The following CARD14 variants were observed in gnomAD, a reference collection of about 807,000 sequenced individuals.
CARD14 encodes the protein caspase recruitment domain-containing protein 14.
A neutral mutation model predicts 111.5 loss-of-function variants in CARD14; 107 were observed. The observed-to-expected ratio is 0.96, with a 90% CI of 0.82 to 1.13. The LOEUF (loss-of-function observed/expected upper bound fraction) is 1.13, where lower values mean the gene tolerates loss of function less well. CARD14 is among the 50% of genes most tolerant of loss of function. CARD14 has a pLI of 0.00. For missense variants in CARD14, 1,322 were observed against 1,362.3 expected (o/e 0.97, Z 0.47); for synonymous variants, 617 against 579.6 (o/e 1.06, Z -0.93).
At position 80,201,707 on chromosome 17, in the gene CARD14, C is replaced by T. The variant is rs190601547; in HGVS notation, c.1852-37C>T. ...TGTCTTCTGGCTGGATTCAGAGTCC[C>T]GGGGGAAAGAGACTGACCTTCTCGA... On this transcript the variant is annotated intron_variant, in intron 16 of 23. Coordinates refer to ENST00000648509, the MANE Select transcript of CARD14 (RefSeq NM_001366385.1). The surrounding 1 kb of genome is among the most constrained non-coding windows in gnomAD (Gnocchi z 5.0). 1.6e-4 allele frequency: 263 copies of T among 1,612,016 alleles called. No individual in the cohort carries two copies. The highest frequency in any genetic ancestry group is 1.5e-4 in the Non-Finnish European group (182 of 1,178,652).
intron 11 of CARD14, 42 bp from the exon 12 acceptor site, chr17:80,192,461 C>A (rs1053178162): frequency 2.6e-6 from 4 of 1,529,932 alleles, no homozygotes; most frequent in South Asian, 2.3e-5. Flanking sequence ...CAAAGCGGAA[C>A]CTTTCCCGAA....
chr17:80,174,414 T>C (rs1249361970), intron 2 of CARD14, among the ~76,000 whole-genome samples: 2 of 152,138 alleles, frequency 1.3e-5, no homozygotes, highest in African/African-American at 4.8e-5. Context: ...GGTTTTGCCA[T>C]GTTGGCCAGA....
Position 80,184,058 on chromosome 17 carries a change from C to T in CARD14, c.495C>T (p.Thr165=), listed in dbSNP as rs1438107219. Residue 165 remains threonine, a synonymous_variant, in exon 7 of 24, where the codon ACC becomes ACT. Transcript: ENST00000648509. ...QLQEHLGLAE[T]RAEGLHQLEA... The stretch of plus-strand genomic sequence containing the variant: ...AGGAGCACCTGGGCCTGGCCGAGAC[C>T]CGTGCCGAGGGCCTGCACCAGCTGG... The T allele has an allele frequency of 1.3e-6, 2 of 1,586,680 alleles. No homozygotes were observed. Among genetic ancestry groups the T allele is most frequent in the Non-Finnish European group, 8.6e-7 (1 of 1,167,134 alleles).
In CARD14 at chr17:80,205,099, C is replaced by T. The variant is rs202148981; in HGVS notation, c.2463C>T (p.Pro821=). ...LTLVPYTLVR[P]HRPARPRPVL... is the part of the protein sequence containing the mutation. Reference sequence around the variant, plus strand: ...TGGTGCCCTATACCCTGGTGCGGCCCCATCGACCCGCCCGGCCCCGGCCTG... The same window carrying T: ...TGGTGCCCTATACCCTGGTGCGGCCTCATCGACCCGCCCGGCCCCGGCCTG... Residue 821 remains proline, a synonymous_variant, in exon 21 of 24, where the codon CCC becomes CCT. Coordinates refer to ENST00000648509, the MANE Select transcript of CARD14 (RefSeq NM_001366385.1). The T allele has an allele frequency of 3.1e-6, 5 of 1,613,518 alleles. No individual in the cohort carries two copies. In the East Asian group the frequency reaches 1.1e-4, roughly 36 times the overall value.
In CARD14 at chr17:80,181,598, G is replaced by A. The variant is rs755140319; in HGVS notation, c.160G>A (p.Glu54Lys). Residue 54 changes from glutamate to lysine, a missense_variant, in exon 5 of 24, where the codon GAG (glutamate) becomes AAG (lysine). Glu to Lys is a moderately conservative substitution (Grantham distance 56, BLOSUM62 1). Transcript: ENST00000648509. ...GGCCAAGGTGCTGTGCCAGCTGGAC[G>A]AGGAGGAGGTGCTGCACAGCCCCCG... ...RQAKVLCQLD[E>K]EEVLHSPRLT... is the part of the protein sequence containing the mutation. 2.5e-5 allele frequency: 39 copies of A among 1,559,490 alleles called. No homozygotes were observed. In the African/African-American group the frequency reaches 3.5e-4, roughly 14 times the overall value.
chr17:80,190,706 G>T, intron 9 of CARD14, 68 bp from the exon 10 acceptor site: 1 of 1,545,258 alleles, frequency 6.5e-7, no homozygotes, highest in South Asian at 1.1e-5. Context: ...TGGGTTCCCC[G>T]ACCCCCTTCT....
At chr17:80,187,998 T>G in intron 7 of CARD14, 1 of 985,890 alleles carries the variant, frequency 1.0e-6, no homozygotes, top group African/African-American at 1.7e-5. Flanking sequence ...ATTCCCTTTC[T>G]TGATGTATTT....
chr17:80,182,532 G>A lies in CARD14; in HGVS notation c.212-121G>A, dbSNP rs370220621. The A allele has an allele frequency of 4.0e-5, 48 of 1,214,122 alleles. 1 individual carries two copies. The highest frequency in any genetic ancestry group is 3.7e-4 in the South Asian group (25 of 67,960). 75.2% of individuals were successfully genotyped at this position (1,214,122 alleles called of 1,614,324 possible). ...ACCCAGAAAACCGCTTTCACCTCCCGATTCTTACATGTGCGGGGGGTTTCC... is the reference window on the plus strand; with the variant it reads ...ACCCAGAAAACCGCTTTCACCTCCCAATTCTTACATGTGCGGGGGGTTTCC... On this transcript the variant is annotated intron_variant, in intron 5 of 23. Coordinates refer to ENST00000648509, the MANE Select transcript of CARD14 (RefSeq NM_001366385.1). This position sits in a 1 kb window ranked among gnomAD's most constrained non-coding sequence, Gnocchi z 4.7.
intron 3 of CARD14, 50 bp from the exon 4 acceptor site, chr17:80,179,054 A>G (rs1472139749): frequency 6.6e-6 from 1 of 152,002 alleles, no homozygotes; most frequent in Non-Finnish European, 1.5e-5. Context: ...CCCATTTTCC[A>G]TTTTTCAGAT....
Position 80,202,276 on chromosome 17 carries a change from A to G in CARD14, c.2075A>G (p.Lys692Arg). 1 of 1,613,918 alleles carries G rather than the reference A, an allele frequency of 6.2e-7. No individual in the cohort carries two copies. Among genetic ancestry groups the G allele is most frequent in the Admixed American group, 1.7e-5 (1 of 60,018 alleles). Residue 692 changes from lysine to arginine, a missense_variant, in exon 18 of 24, where the codon AAA (lysine) becomes AGA (arginine). Lys to Arg is a conservative substitution (Grantham distance 26). Transcript: ENST00000648509. ...RVNLAMEGRAKGELQVHCNEV... is the reference protein window; with the variant it reads ...RVNLAMEGRARGELQVHCNEV... The stretch of plus-strand genomic sequence containing the variant: ...AACCTGGCCATGGAGGGCAGGGCCA[A>G]AGGGGAGCTGCAGGTGCATTGCAAC...
chr17:80,204,310 CAG>C lies in CARD14; in HGVS notation c.2368_2369del (p.Arg790GlyfsTer62). On this transcript the variant is annotated frameshift_variant, in exon 20 of 24. Transcript: ENST00000648509. LOFTEE classifies it high-confidence loss of function. ...CCAGCCCTCTGCGTTTGTCCTTTGA[CAG>C]GGGCCAGTTGGACCCCAGCAGGATG... ...KASPLRLSFD[R>X]GQLDPSRMEG... The C allele has an allele frequency of 6.3e-7, 1 of 1,592,790 alleles. No individual in the cohort carries two copies. The highest frequency in any genetic ancestry group is 8.6e-7 in the Non-Finnish European group (1 of 1,165,904).
chr17:80,205,588 A>T lies in CARD14; in HGVS notation c.2627A>T (p.Glu876Val), dbSNP rs2041255786. 6.6e-7 allele frequency: 1 copy of T among 1,508,626 alleles called. No individual in the cohort carries two copies. Among genetic ancestry groups the T allele is most frequent in the Non-Finnish European group, 8.9e-7 (1 of 1,117,838 alleles). 93.5% of individuals were successfully genotyped at this position (1,508,626 alleles called of 1,614,324 possible). The part of the protein sequence containing the change: ...AWSQRGDIIQ[E>V]GEVSGGRCWV... ...AGCCAGAGAGGGGACATCATCCAGG[A>T]GGGAGAGGTGTCCGGGGGCCGCTGC... is the stretch of plus-strand genomic sequence containing the variant. Residue 876 changes from glutamate to valine, a missense_variant, in exon 22 of 24, where the codon GAG becomes GTG. Transcript: ENST00000648509.
Position 80,203,685 on chromosome 17 carries a change from A to C in CARD14, c.2220-137A>C. ...GGATGGAGCGCTCCAGCCTGCAGCAAAGGGATGTGTGGAGCTCTAGGTGGA... is the reference window on the plus strand; with the variant it reads ...GGATGGAGCGCTCCAGCCTGCAGCACAGGGATGTGTGGAGCTCTAGGTGGA... On this transcript the variant is annotated intron_variant, in intron 18 of 23. Coordinates refer to ENST00000648509, the MANE Select transcript of CARD14 (RefSeq NM_001366385.1). The surrounding 1 kb of genome is among the most constrained non-coding windows in gnomAD (Gnocchi z 4.6). 1 of 618,068 alleles carries C rather than the reference A, an allele frequency of 1.6e-6. No homozygotes were observed. Among genetic ancestry groups the C allele is most frequent in the Non-Finnish European group, 2.9e-6 (1 of 348,702 alleles). The allele number at this position is 618,068 out of a possible 1,614,324, so 38.3% of individuals were successfully genotyped here.
chr17:80,184,240 T>C lies in CARD14; in HGVS notation c.675+2T>C, dbSNP rs1425651161. 6.6e-7 allele frequency: 1 copy of C among 1,517,830 alleles called. No homozygotes were observed. Among genetic ancestry groups the C allele is most frequent in the African/African-American group, 1.4e-5 (1 of 72,712 alleles). The allele number at this position is 1,517,830 out of a possible 1,614,324, so 94.0% of individuals were successfully genotyped here. On this transcript the variant is annotated splice_donor_variant, in intron 7 of 23. Coordinates refer to ENST00000648509, the MANE Select transcript of CARD14 (RefSeq NM_001366385.1). LOFTEE classifies it high-confidence loss of function. ...CGCTGCCGCAGCCTGCAGGAGGAGGTAGGGGGACACCCTGCACCCCGGCGC... is the reference window on the plus strand; with the variant it reads ...CGCTGCCGCAGCCTGCAGGAGGAGGCAGGGGGACACCCTGCACCCCGGCGC...
Position 80,189,942 on chromosome 17 carries a change from G to A in CARD14, c.963+70G>A. 1 of 1,525,346 alleles carries A rather than the reference G, an allele frequency of 6.6e-7. No individual in the cohort carries two copies. The highest frequency in any genetic ancestry group is 8.7e-7 in the Non-Finnish European group (1 of 1,149,796). 94.5% of individuals were successfully genotyped at this position (1,525,346 alleles called of 1,614,324 possible). ...TCTCAGGGGTGCGGACAGGTCTGTG[G>A]GGAAGCCAGATTCCTTCATCCACGC... On this transcript the variant is annotated intron_variant, in intron 9 of 23. Coordinates refer to ENST00000648509, the MANE Select transcript of CARD14 (RefSeq NM_001366385.1). The surrounding 1 kb of genome is among the most constrained non-coding windows in gnomAD (Gnocchi z 4.7).
At position 80,182,552 on chromosome 17, in the gene CARD14, G is replaced by A; in HGVS notation, c.212-101G>A. ...CTCCCGATTCTTACATGTGCGGGGG[G>A]TTTCCCAGCCCCAGGCCTCTCCCCC... On this transcript the variant is annotated intron_variant, in intron 5 of 23. Coordinates refer to ENST00000648509, the MANE Select transcript of CARD14 (RefSeq NM_001366385.1). This position sits in a 1 kb window ranked among gnomAD's most constrained non-coding sequence, Gnocchi z 4.7. The A allele has an allele frequency of 4.9e-6, 7 of 1,418,482 alleles. No individual in the cohort carries two copies. The East Asian group carries it at 1.2e-4, about 25-fold the overall frequency. The allele number at this position is 1,418,482 out of a possible 1,614,324, so 87.9% of individuals were successfully genotyped here.
chr17:80,189,733 C>T lies in CARD14; in HGVS notation c.844-20C>T. The T allele has an allele frequency of 1.3e-6, 2 of 1,549,148 alleles. No individual in the cohort carries two copies. The highest frequency in any genetic ancestry group is 2.5e-5 in the East Asian group (1 of 40,058). On this transcript the variant is annotated intron_variant, in intron 8 of 23. Coordinates refer to ENST00000648509, the MANE Select transcript of CARD14 (RefSeq NM_001366385.1). This position sits in a 1 kb window ranked among gnomAD's most constrained non-coding sequence, Gnocchi z 4.7. ...CCTCTGGGGAAGCCAGCACCCCAGG[C>T]TGACCTCTCTCTGCCCCAGGCGGAG... is the stretch of plus-strand genomic sequence containing the variant.
At chr17:80,177,775 G>A (rs2040061243) in intron 2 of CARD14, among the ~76,000 whole-genome samples, 1 of 152,062 alleles carries the variant, frequency 6.6e-6, no homozygotes, top group African/African-American at 2.4e-5. Flanking sequence ...AAACTCCTGA[G>A]CTCAAGCAAT....
chr17:80,189,813 G>C lies in CARD14; in HGVS notation c.904G>C (p.Val302Leu). The change falls in exon 9 of 24, where the codon GTG (valine) becomes CTG (leucine). Residue 302 changes from valine to leucine, a missense_variant. Transcript: ENST00000648509. The surrounding 1 kb of genome is among the most constrained non-coding windows in gnomAD (Gnocchi z 4.7). Reference protein sequence around the residue: ...DEARGSRQELVERIHSLRERA... With the variant: ...DEARGSRQELLERIHSLRERA... ...GGCGCGGGGGAGCCGACAGGAGCTGGTGGAGCGCATCCACTCGCTGCGGGA... is the reference window on the plus strand; with the variant it reads ...GGCGCGGGGGAGCCGACAGGAGCTGCTGGAGCGCATCCACTCGCTGCGGGA... 6.3e-7 allele frequency: 1 copy of C among 1,585,358 alleles called. No homozygotes were observed. The highest frequency in any genetic ancestry group is 8.5e-7 in the Non-Finnish European group (1 of 1,170,536).
Sources: gnomAD v4.1 joint callset for allele counts (sites outside exome capture counted in the v4.1 genomes callset) on GRCh38, gnomAD v4.1.1 for gene constraint, Gnocchi (gnomAD v3.1) non-coding constraint, MANE v1.5 for transcripts, NCBI Gene and HGNC (gene_info 2026-07-23, HGNC 2026-07-21) for gene names.